NOL4: variants seen among roughly 807,000 people sequenced by gnomAD.
The protein encoded by NOL4 is nucleolar protein 4, also known as cancer/testis antigen 125.
NOL4 carries 17 observed loss-of-function variants against 75.9 expected under a neutral mutation model. The ratio of observed to expected loss-of-function variants is 0.22; its 90% CI spans 0.15 to 0.34. The LOEUF (loss-of-function observed/expected upper bound fraction) is 0.34. Ranked by LOEUF, NOL4 falls within the 10% of genes least tolerant of loss-of-function variation. NOL4 has a pLI of 1.00. For synonymous variants in NOL4, 292 were observed against 289.9 expected (o/e 1.01, Z -0.07); for missense variants, 614 against 793.5 (o/e 0.77, Z 2.72).
chr18:34,152,780 C>T (rs575847804), intron 1 of NOL4, among the ~76,000 whole-genome samples: 83 of 151,846 alleles, frequency 5.5e-4, no homozygotes, highest in African/African-American at 1.6e-3. Context: ...TTTCTTCTGG[C>T]AAACACACCA....
chr18:33,879,687 A>T (rs1253738204), intron 10 of NOL4, among the ~76,000 whole-genome samples: 1 of 152,062 alleles, frequency 6.6e-6, no homozygotes, highest in Non-Finnish European at 1.5e-5. Flanking sequence ...TCCTAAAAAT[A>T]AAAAAGATAG....
In NOL4 at chr18:33,947,439, T is replaced by C. The variant is rs113228526; in HGVS notation, c.1429-4261A>G. Reference sequence around the variant, plus strand: ...GGCCATAAAACACAAAGCTTCCATGTAATAATTGGAGATAGGAATATTTTG... The same window carrying C: ...GGCCATAAAACACAAAGCTTCCATGCAATAATTGGAGATAGGAATATTTTG... On this transcript the variant is annotated intron_variant, in intron 8 of 10. Transcript: ENST00000261592. 7.1e-3 allele frequency among the ~76,000 whole-genome samples: 1,075 copies of C among 151,836 alleles called. 13 individuals are homozygous for C. The highest frequency in any genetic ancestry group is 0.023 in the African/African-American group (946 of 41,502).
At chr18:34,053,160 A>C (rs2145003037) in intron 5 of NOL4, among the ~76,000 whole-genome samples, 1 of 152,190 alleles carries the variant, frequency 6.6e-6, no homozygotes, top group South Asian at 2.1e-4. Flanking sequence ...TTCAGATTGA[A>C]GATGGTAGCA....
chr18:33,935,197 A>C (rs1049995231), intron 9 of NOL4, among the ~76,000 whole-genome samples: 17 of 152,054 alleles, frequency 1.1e-4, no homozygotes, highest in African/African-American at 4.1e-4. Context: ...AAGAATATTA[A>C]ATCTCCTTCA....
chr18:33,993,086 A>G (rs1375380586), intron 6 of NOL4, among the ~76,000 whole-genome samples: 1 of 151,966 alleles, frequency 6.6e-6, no homozygotes, highest in Non-Finnish European at 1.5e-5. Flanking sequence ...AAGGAAAGAG[A>G]CAATTAGGAG....
At chr18:34,203,094 T>G (rs1228185807) in intron 1 of NOL4, among the ~76,000 whole-genome samples, 1 of 152,148 alleles carries the variant, frequency 6.6e-6, no homozygotes, top group African/African-American at 2.4e-5. Flanking sequence ...TATGAAATAC[T>G]GCTCAGTAAC....
At chr18:33,894,658 G>T (rs1306299028) in intron 9 of NOL4, among the ~76,000 whole-genome samples, 1 of 152,050 alleles carries the variant, frequency 6.6e-6, no homozygotes, top group Non-Finnish European at 1.5e-5. Flanking sequence ...TCAAATAACA[G>T]GTTATTATTT....
intron 5 of NOL4, among the ~76,000 whole-genome samples, chr18:34,066,988 T>C (rs955140312): frequency 1.3e-5 from 2 of 152,132 alleles, no homozygotes; most frequent in Non-Finnish European, 2.9e-5. Flanking sequence ...CATTATTCTA[T>C]GGATAAAGCA....
intron 1 of NOL4, among the ~76,000 whole-genome samples, chr18:34,193,780 C>G (rs1342181010): frequency 6.6e-6 from 1 of 152,118 alleles, no homozygotes; most frequent in African/African-American, 2.4e-5. Flanking sequence ...AATATCTATA[C>G]TCTCATGTTC....
intron 9 of NOL4, among the ~76,000 whole-genome samples, chr18:33,886,768 T>C (rs2064689016): frequency 7.2e-6 from 1 of 139,706 alleles, no homozygotes; most frequent in Non-Finnish European, 1.6e-5. Context: ...TATATAGATA[T>C]ATCTATATAT....
At chr18:33,989,013 T>TA (rs1167277677) in intron 6 of NOL4, among the ~76,000 whole-genome samples, 3 of 151,170 alleles carry the variant, frequency 2.0e-5, no homozygotes, top group South Asian at 2.1e-4. Context: ...ATGGGCAAGA[T>TA]AAAAAAGCCC....
At chr18:34,106,740 C>T (rs1050780248) in intron 2 of NOL4, among the ~76,000 whole-genome samples, 1 of 151,664 alleles carries the variant, frequency 6.6e-6, no homozygotes, top group African/African-American at 2.4e-5. Flanking sequence ...AATTTGAATC[C>T]TATTTTTCTG....
At chr18:33,952,848 C>T (rs751420168) in intron 8 of NOL4, among the ~76,000 whole-genome samples, 2 of 152,108 alleles carry the variant, frequency 1.3e-5, no homozygotes, top group East Asian at 1.9e-4. Flanking sequence ...GGCTTGAAAC[C>T]GGGAGGTGGA....
chr18:34,002,355 CA>C (rs1330701219), intron 6 of NOL4, among the ~76,000 whole-genome samples: 3 of 152,030 alleles, frequency 2.0e-5, no homozygotes, highest in African/African-American at 7.2e-5. Context: ...GTTTTGTTTC[CA>C]CCTGGGGCTA....
At chr18:34,012,771 T>C (rs2074448478) in intron 6 of NOL4, among the ~76,000 whole-genome samples, 1 of 151,996 alleles carries the variant, frequency 6.6e-6, no homozygotes, top group Non-Finnish European at 1.5e-5. Context: ...AAACTAATAT[T>C]TCAAATAAGA....
At chr18:34,068,829 A>G (rs4432313) in intron 5 of NOL4, among the ~76,000 whole-genome samples, 31,399 of 152,168 alleles carry the variant, frequency 0.21, 3,727 homozygotes, top group East Asian at 0.35. Context: ...GACTAGATTT[A>G]AAAAGCTATG....
chr18:34,116,382 G>A (rs1568361728), intron 2 of NOL4, among the ~76,000 whole-genome samples: 1 of 152,038 alleles, frequency 6.6e-6, no homozygotes, highest in African/African-American at 2.4e-5. Flanking sequence ...CTGCTTTTCG[G>A]AAGAAAAAAA....
intron 1 of NOL4, among the ~76,000 whole-genome samples, chr18:34,131,611 CA>C (rs2080654764): frequency 6.6e-6 from 1 of 151,848 alleles, no homozygotes; most frequent in Admixed American, 6.6e-5. Flanking sequence ...GCTGGAAAAA[CA>C]AAAAATATGA....
chr18:34,116,350 T>C (rs2079857551), intron 2 of NOL4, among the ~76,000 whole-genome samples: 2 of 152,140 alleles, frequency 1.3e-5, no homozygotes, highest in Non-Finnish European at 1.5e-5. Context: ...CGGACAAATA[T>C]ACTTGTCTAC....
Sources: allele counts gnomAD v4.1 joint callset (sites outside exome capture counted in the v4.1 genomes callset), GRCh38; gene constraint gnomAD v4.1.1; transcripts MANE v1.5; gene names NCBI Gene and HGNC (gene_info 2026-07-23, HGNC 2026-07-21).